CNNM2: variants seen among roughly 807,000 people sequenced by gnomAD.
CNNM2 encodes metal transporter CNNM2.
CNNM2 carries 12 observed loss-of-function variants against 66.9 expected under a neutral mutation model. The observed-to-expected ratio is 0.18, with a 90% CI of 0.11 to 0.29. The LOEUF (loss-of-function observed/expected upper bound fraction) is 0.29. Among genes scored for constraint, CNNM2 ranks in the 10% least tolerant of loss-of-function variants. CNNM2 has a pLI of 1.00. For missense variants in CNNM2, 705 were observed against 1,167.7 expected (o/e 0.60, Z 5.77); for synonymous variants, 557 against 501.8 (o/e 1.11, Z -1.47).
At chr10:102,920,200 T>G in intron 1 of CNNM2, 99 bp downstream of exon 1, 1 of 1,608,392 alleles carries the variant, frequency 6.2e-7, no homozygotes, top group East Asian at 2.2e-5. Context: ...CAAGGCGAGT[T>G]GACCGGGATT....
chr10:102,969,464 G>A (rs1342357495), intron 1 of CNNM2, among the ~76,000 whole-genome samples: 9 of 149,260 alleles, frequency 6.0e-5, no homozygotes, highest in Admixed American at 4.7e-4. Context: ...TGCCCGCCTC[G>A]GCCTCCCAAA....
intron 1 of CNNM2, among the ~76,000 whole-genome samples, chr10:102,936,982 T>C (rs777510361): frequency 6.6e-6 from 1 of 152,236 alleles, no homozygotes; most frequent in Non-Finnish European, 1.5e-5. Context: ...GCAGCTGTGC[T>C]GTCATTTATG....
chr10:102,925,023 G>A (rs1458924585), intron 1 of CNNM2, among the ~76,000 whole-genome samples: 1 of 152,058 alleles, frequency 6.6e-6, no homozygotes, highest in African/African-American at 2.4e-5. Flanking sequence ...GGGGCTGGGT[G>A]CGGTGGCTCA....
At chr10:102,950,282 G>T (rs1346499186) in intron 1 of CNNM2, among the ~76,000 whole-genome samples, 1 of 152,148 alleles carries the variant, frequency 6.6e-6, no homozygotes, top group Non-Finnish European at 1.5e-5. Context: ...TGAAATGTTT[G>T]TAAGTTATGA....
In CNNM2 at chr10:103,076,754, A is replaced by G. The variant is rs2296569; in HGVS notation, c.2419-217A>G. Among the ~76,000 whole-genome samples the G allele has an allele frequency of 0.12, 18,778 of 152,226 alleles. 1,532 individuals carry two copies. The highest frequency in any genetic ancestry group is 0.18 in the Non-Finnish European group (12,556 of 67,988). On this transcript the variant is annotated intron_variant, in intron 7 of 7. Coordinates refer to ENST00000369878, the MANE Select transcript of CNNM2 (RefSeq NM_017649.5). ...AACCAGTCTCTATTTTCTAGTCCCT[A>G]AAATTTTGAGACAATATTTGGAAGT... is the stretch of plus-strand genomic sequence containing the variant.
chr10:103,052,461 A>T (rs749293378), intron 2 of CNNM2, among the ~76,000 whole-genome samples: 18 of 151,866 alleles, frequency 1.2e-4, no homozygotes, highest in Admixed American at 2.0e-4. Flanking sequence ...TCTCATACAG[A>T]AGTGTTGCCT....
chr10:103,031,650 A>AG (rs1415525133), intron 1 of CNNM2, among the ~76,000 whole-genome samples: 2 of 152,198 alleles, frequency 1.3e-5, no homozygotes, highest in Admixed American at 1.3e-4. Context: ...ACTTGCATGC[A>AG]GGGAAGTTTA....
intron 1 of CNNM2, among the ~76,000 whole-genome samples, chr10:102,999,965 G>T (rs1054641500): frequency 2.6e-5 from 4 of 152,200 alleles, no homozygotes; most frequent in Non-Finnish European, 5.9e-5. Context: ...GCTGGGCATG[G>T]TGGCTCATGC....
chr10:102,930,833 T>A (rs368767986), intron 1 of CNNM2, among the ~76,000 whole-genome samples: 4 of 152,236 alleles, frequency 2.6e-5, no homozygotes, highest in Non-Finnish European at 4.4e-5. Context: ...TCATTTAACA[T>A]GTTTTCAAGG....
chr10:102,954,043 G>A (rs568263916), intron 1 of CNNM2, among the ~76,000 whole-genome samples: 1 of 151,838 alleles, frequency 6.6e-6, no homozygotes, highest in African/African-American at 2.4e-5. Flanking sequence ...GGCATAGTAA[G>A]AATTGAACCC....
rs1250484457 is a variant in CNNM2, at chr10:103,033,916, A to C, written c.1622-15791A>C. 2.6e-5 allele frequency among the ~76,000 whole-genome samples: 4 copies of C among 152,328 alleles called. No individual in the cohort carries two copies. In the East Asian group the frequency reaches 7.7e-4, roughly 29 times the overall value. ...TGCATCTTTTTTCTCCTCTATAATG[A>C]AGATGAAGTGCTTGAAGTTTCTGGG... is the stretch of plus-strand genomic sequence containing the variant. On this transcript the variant is annotated intron_variant, in intron 1 of 7. Coordinates refer to ENST00000369878, the MANE Select transcript of CNNM2 (RefSeq NM_017649.5).
intron 5 of CNNM2, 86 bp downstream of exon 5, chr10:103,068,808 C>A: frequency 9.6e-7 from 1 of 1,043,328 alleles, no homozygotes; most frequent in Non-Finnish European, 1.4e-6. Context: ...CTGTATCTGC[C>A]AGCTGACCCC....
chr10:103,077,636 G>C lies in CNNM2; in HGVS notation c.*456G>C, dbSNP rs543927665. The C allele has an allele frequency of 6.2e-6, 1 of 160,134 alleles. No homozygotes were observed. Among genetic ancestry groups the C allele is most frequent in the African/African-American group, 2.4e-5 (1 of 41,598 alleles). The allele number at this position is 160,134 out of a possible 1,614,324, so 9.9% of individuals were successfully genotyped here. A position where few individuals can be genotyped will look rare whatever the true frequency, so the allele number is the denominator to read the frequency against. On this transcript the variant is annotated 3_prime_UTR_variant, in exon 8 of 8. Coordinates refer to ENST00000369878, the MANE Select transcript of CNNM2 (RefSeq NM_017649.5). ...CCTGATGGGCTGGACTTGCCCCTCC[G>C]GTAGCCTTCCTTGGCCCTCCCAGCG... is the stretch of plus-strand genomic sequence containing the variant.
chr10:103,000,211 G>A (rs1324950141), intron 1 of CNNM2, among the ~76,000 whole-genome samples: 1 of 151,708 alleles, frequency 6.6e-6, no homozygotes, highest in African/African-American at 2.4e-5. Flanking sequence ...ACTCCAGCGT[G>A]TGTGACAAGA....
chr10:102,980,174 C>G (rs375056082), intron 1 of CNNM2, among the ~76,000 whole-genome samples: 29 of 152,284 alleles, frequency 1.9e-4, no homozygotes, highest in South Asian at 1.4e-3. Context: ...AACTCCTGAC[C>G]TCAAGTGATC....
At chr10:103,035,843 G>T (rs1307084197) in intron 1 of CNNM2, among the ~76,000 whole-genome samples, 1 of 152,172 alleles carries the variant, frequency 6.6e-6, no homozygotes, top group Non-Finnish European at 1.5e-5. Context: ...AAATGACTTG[G>T]CTTCTTGTCT....
chr10:103,069,691 C>G (rs1012238097), intron 5 of CNNM2, among the ~76,000 whole-genome samples: 1 of 152,216 alleles, frequency 6.6e-6, no homozygotes, highest in African/African-American at 2.4e-5. Flanking sequence ...TACCTGGTGG[C>G]TTGCTGGCCT....
chr10:102,925,034 C>T (rs914703926), intron 1 of CNNM2, among the ~76,000 whole-genome samples: 1 of 151,974 alleles, frequency 6.6e-6, no homozygotes, highest in Non-Finnish European at 1.5e-5. Context: ...CGGTGGCTCA[C>T]GCCTGTAATC....
chr10:102,996,907 T>C (rs1460502101), intron 1 of CNNM2, among the ~76,000 whole-genome samples: 1 of 152,202 alleles, frequency 6.6e-6, no homozygotes, highest in African/African-American at 2.4e-5. Context: ...CATTCTCTTA[T>C]TCTATTCACT....
Sources: allele counts gnomAD v4.1 joint callset (sites outside exome capture counted in the v4.1 genomes callset), GRCh38; gene constraint gnomAD v4.1.1; transcripts MANE v1.5; gene names NCBI Gene and HGNC (gene_info 2026-07-23, HGNC 2026-07-21).